Variants in FAM149A observed in about 807,000 individuals in gnomAD.
FAM149A encodes family with sequence similarity 149 member A.
FAM149A carries 71 observed loss-of-function variants against 78.2 expected under a neutral mutation model. That is an observed-to-expected ratio of 0.91 (90% CI 0.75 to 1.11). The LOEUF is 1.11. FAM149A is among the 50% of genes least tolerant of loss of function. The probability of loss-of-function intolerance (pLI) is 0.00; values close to 1 mark genes in which losing one functional copy is unlikely to be tolerated. For synonymous variants in FAM149A, 446 were observed against 410.5 expected (o/e 1.09, Z -1.04); for missense variants, 1,036 against 971.0 (o/e 1.07, Z -0.89).
At chr4:186,162,739 A>C (rs931520672) in intron 8 of FAM149A, 106 bp from the exon 9 acceptor site, 2 of 630,094 alleles carry the variant, frequency 3.2e-6, no homozygotes, top group African/African-American at 3.8e-5. Context: ...TTAGCTGGTG[A>C]GTGTGCCGGG....
chr4:186,165,377 G>A lies in FAM149A; in HGVS notation c.1923G>A (p.Leu641=), dbSNP rs1734950389. 1 of 1,614,072 alleles carries A rather than the reference G, an allele frequency of 6.2e-7. No homozygotes were observed. Among genetic ancestry groups the A allele is most frequent in the South Asian group, 1.1e-5 (1 of 91,090 alleles). Residue 641 remains leucine, a synonymous_variant, in exon 11 of 14, where the codon CTG becomes CTA. Transcript: ENST00000389354. Reference sequence around the variant, plus strand: ...GCGTGGACCACATGGCTTCCCCACTGGTTCAAACGTCACGGAGCAGGTTCC... The same window carrying A: ...GCGTGGACCACATGGCTTCCCCACTAGTTCAAACGTCACGGAGCAGGTTCC...
chr4:186,169,073 G>GTA, intron 13 of FAM149A: 1 of 370,584 alleles, frequency 2.7e-6, no homozygotes, highest in Non-Finnish European at 3.7e-6. Flanking sequence ...CCGAGTGGAG[G>GTA]TATCTGGGAA....
At chr4:186,148,784 G>T (rs958245819) in intron 1 of FAM149A, among the ~76,000 whole-genome samples, 6 of 152,102 alleles carry the variant, frequency 3.9e-5, no homozygotes, top group Non-Finnish European at 8.8e-5. Context: ...GTTGGGTTTT[G>T]TAAGTAAGTC....
intron 1 of FAM149A, among the ~76,000 whole-genome samples, chr4:186,136,976 T>TCTCTCTCTCTCTCTCTCTC (rs2099323291): frequency 2.8e-5 from 2 of 72,120 alleles, no homozygotes; most frequent in African/African-American, 6.1e-5. Flanking sequence ...CTCTCTCTCT[T>TCTCTCTCTCTCTCTCTCTC]TCTCTCTCTC....
chr4:186,105,059 C>T lies in FAM149A; in HGVS notation c.-18C>T, dbSNP rs943489839. The T allele has an allele frequency of 5.5e-6, 7 of 1,266,984 alleles. No individual in the cohort carries two copies. The highest frequency in any genetic ancestry group is 3.2e-5 in the African/African-American group (2 of 62,398). 78.5% of individuals were successfully genotyped at this position (1,266,984 alleles called of 1,614,324 possible). A position where few individuals can be genotyped will look rare whatever the true frequency, so the allele number is the denominator to read the frequency against. On this transcript the variant is annotated 5_prime_UTR_variant, in exon 1 of 14. Transcript: ENST00000389354. ...AACTCTCGGGCGGCGGCGAGGACGG[C>T]GTGTCCACTGTCGAGGCATGAAGGC... is the stretch of plus-strand genomic sequence containing the variant.
rs917777489 is a variant in FAM149A at position 186,151,794 on chromosome 4, A to G, written c.790-109A>G. Reference sequence around the variant, plus strand: ...AAAGCCACCATCTTTTTACCAAGTGATGCACCCTCCTACATAGTGGGTGAC... The same window carrying G: ...AAAGCCACCATCTTTTTACCAAGTGGTGCACCCTCCTACATAGTGGGTGAC... On this transcript the variant is annotated intron_variant, in intron 3 of 13. Coordinates refer to ENST00000389354, the MANE Select transcript of FAM149A (RefSeq NM_001367768.3). 11 of 1,481,098 alleles carry G rather than the reference A, an allele frequency of 7.4e-6. No individual in the cohort carries two copies. In the African/African-American group the frequency reaches 8.4e-5, roughly 11 times the overall value. The allele number at this position is 1,481,098 out of a possible 1,614,324, so 91.7% of individuals were successfully genotyped here.
chr4:186,124,551 A>G (rs1472037335), intron 1 of FAM149A, among the ~76,000 whole-genome samples: 1 of 151,794 alleles, frequency 6.6e-6, no homozygotes, highest in Non-Finnish European at 1.5e-5. Context: ...GCTCAGAATG[A>G]TGGTTTTCAG....
At position 186,105,493 on chromosome 4, in the gene FAM149A, GCTC is replaced by G; in HGVS notation, c.419_421del (p.Leu140del). On this transcript the variant is annotated inframe_deletion, in exon 1 of 14. Coordinates refer to ENST00000389354, the MANE Select transcript of FAM149A (RefSeq NM_001367768.3). ...CGGGCCCCGGCGGGGTCTGGGCCGCGCTCCCCAGGAACCCGCTCCAGCCTGGCC... is the reference window on the plus strand; with the variant it reads ...CGGGCCCCGGCGGGGTCTGGGCCGCGCCCAGGAACCCGCTCCAGCCTGGCC... 1 of 1,198,350 alleles carries G rather than the reference GCTC, an allele frequency of 8.3e-7. No individual in the cohort carries two copies. Among genetic ancestry groups the G allele is most frequent in the South Asian group, 1.5e-5 (1 of 68,060 alleles). 74.2% of individuals were successfully genotyped at this position (1,198,350 alleles called of 1,614,324 possible).
intron 1 of FAM149A, among the ~76,000 whole-genome samples, chr4:186,130,308 T>TAC (rs2099320229): frequency 7.8e-6 from 1 of 129,032 alleles, no homozygotes; most frequent in Non-Finnish European, 1.6e-5. Flanking sequence ...TATATATATA[T>TAC]ATATATAATC....
At chr4:186,154,062 G>C (rs994281246) in intron 5 of FAM149A, among the ~76,000 whole-genome samples, 1 of 152,208 alleles carries the variant, frequency 6.6e-6, no homozygotes, top group Non-Finnish European at 1.5e-5. Flanking sequence ...TGGACTGGGT[G>C]CAGGATGGAA....
chr4:186,161,974 A>C (rs112379340), intron 8 of FAM149A, among the ~76,000 whole-genome samples: 4 of 152,232 alleles, frequency 2.6e-5, no homozygotes, highest in Non-Finnish European at 5.9e-5. Flanking sequence ...ACAGGTATAC[A>C]TGTGCCATGG....
At chr4:186,110,113 C>G (rs1211418454) in intron 1 of FAM149A, 1 of 985,290 alleles carries the variant, frequency 1.0e-6, no homozygotes, top group African/African-American at 1.7e-5. Flanking sequence ...TCCTGTGACA[C>G]TTAAGGGAAC....
intron 1 of FAM149A, among the ~76,000 whole-genome samples, chr4:186,133,716 C>T (rs1431117650): frequency 2.0e-5 from 3 of 152,128 alleles, no homozygotes; most frequent in Non-Finnish European, 1.5e-5. Flanking sequence ...AGTACAGTGG[C>T]GTGATCATAG....
intron 1 of FAM149A, chr4:186,117,353 G>A (rs1295688081): frequency 3.5e-6 from 3 of 850,014 alleles, no homozygotes; most frequent in Non-Finnish European, 4.2e-6. Flanking sequence ...TGAGTAATTA[G>A]GGAAAGAACT....
At chr4:186,125,819 C>A (rs1237887166) in intron 1 of FAM149A, 2 of 985,006 alleles carry the variant, frequency 2.0e-6, no homozygotes, top group Non-Finnish European at 2.4e-6. Flanking sequence ...GGAAGGGAGG[C>A]CAAAAAGAAA....
chr4:186,123,287 A>C, intron 1 of FAM149A: 1 of 985,218 alleles, frequency 1.0e-6, no homozygotes, highest in Middle Eastern at 5.2e-4. Context: ...TTGTTAGTTT[A>C]TGTAGTTTAT....
At position 186,105,099 on chromosome 4, in the gene FAM149A, T is replaced by G; in HGVS notation, c.23T>G (p.Leu8Arg). The G allele has an allele frequency of 7.8e-7, 1 of 1,280,920 alleles. No homozygotes were observed. Among genetic ancestry groups the G allele is most frequent in the Non-Finnish European group, 1.0e-6 (1 of 985,180 alleles). The allele number at this position is 1,280,920 out of a possible 1,614,324, so 79.3% of individuals were successfully genotyped here. A position where few individuals can be genotyped will look rare whatever the true frequency, so the allele number is the denominator to read the frequency against. The change falls in exon 1 of 14, where the codon CTT becomes CGT. Residue 8 changes from leucine to arginine, a missense_variant. Physicochemically the swap from Leu to Arg is moderately radical, Grantham distance 102 (BLOSUM62 -2). Transcript: ENST00000389354. ...GGCATGAAGGCTGCTGTGCTGGACCTTGGGTCTCTCTTGGCCAAACTCTTC... is the reference window on the plus strand; with the variant it reads ...GGCATGAAGGCTGCTGTGCTGGACCGTGGGTCTCTCTTGGCCAAACTCTTC...
chr4:186,159,027 T>C (rs1213376573), intron 8 of FAM149A, among the ~76,000 whole-genome samples: 1 of 152,128 alleles, frequency 6.6e-6, no homozygotes, highest in Non-Finnish European at 1.5e-5. Flanking sequence ...TTTTGGGAGA[T>C]TAAAAAAATG....
chr4:186,119,430 T>A (rs936085373), intron 1 of FAM149A, among the ~76,000 whole-genome samples: 3 of 152,214 alleles, frequency 2.0e-5, no homozygotes, highest in Admixed American at 1.3e-4. Context: ...TTGCAATGAT[T>A]AAATATCATT....
Sources: gnomAD v4.1 joint callset for allele counts (sites outside exome capture counted in the v4.1 genomes callset) on GRCh38, gnomAD v4.1.1 for gene constraint, MANE v1.5 for transcripts, NCBI Gene and HGNC (gene_info 2026-07-23, HGNC 2026-07-21) for gene names.